The following NTM variants were observed in gnomAD, a reference collection of about 807,000 sequenced individuals.
The protein encoded by NTM is neurotrimin.
NTM carries 13 observed loss-of-function variants against 42.1 expected under a neutral mutation model. The observed-to-expected ratio is 0.31, with a 90% CI of 0.20 to 0.49. NTM has a LOEUF of 0.49. Ranked by LOEUF, NTM falls within the 20% of genes least tolerant of loss-of-function variation. The pLI is 0.99. For synonymous variants in NTM, 187 were observed against 179.2 expected (o/e 1.04, Z -0.35); for missense variants, 373 against 452.8 (o/e 0.82, Z 1.60).
chr11:131,598,755 CTTCTTTCTTTTTTTCT>C (rs2060101128), intron 1 of NTM, among the ~76,000 whole-genome samples: 1 of 31,098 alleles, frequency 3.2e-5, no homozygotes, highest in African/African-American at 9.7e-5. Context: ...TTCTTTCTTT[CTTCTTTCTTTTTTTCT>C]TTCTTTCTTT....
At chr11:132,145,584 C>A (rs961317742) in intron 2 of NTM, among the ~76,000 whole-genome samples, 3 of 152,160 alleles carry the variant, frequency 2.0e-5, no homozygotes, top group African/African-American at 7.2e-5. Flanking sequence ...GAAAGAAAAT[C>A]TATTTTTATA....
chr11:131,641,497 C>T (rs564225846), intron 1 of NTM, among the ~76,000 whole-genome samples: 1 of 152,132 alleles, frequency 6.6e-6, no homozygotes, highest in South Asian at 2.1e-4. Flanking sequence ...TCCATGGATC[C>T]CTGGTCTGGT....
chr11:131,518,997 A>T (rs933592751), intron 1 of NTM, among the ~76,000 whole-genome samples: 3 of 152,242 alleles, frequency 2.0e-5, no homozygotes, highest in African/African-American at 7.2e-5. Context: ...AGAAGTATCA[A>T]TAAACAAACT....
In NTM at chr11:131,574,413, C is replaced by A. The variant is rs1550975; in HGVS notation, c.82+203525C>A. Among the ~76,000 whole-genome samples, 270 of 152,232 alleles carry A rather than the reference C, an allele frequency of 1.8e-3. 3 individuals carry two copies. Among genetic ancestry groups the A allele is most frequent in the Admixed American group, 0.016 (248 of 15,280 alleles). Reference sequence around the variant, plus strand: ...TTGTTCATACTCTATTTTACAGAGGCATAAATTGAGACCCAGATGGTGGTG... The same window carrying A: ...TTGTTCATACTCTATTTTACAGAGGAATAAATTGAGACCCAGATGGTGGTG... On this transcript the variant is annotated intron_variant, in intron 1 of 8. Coordinates refer to ENST00000683400, the MANE Select transcript of NTM (RefSeq NM_001352005.2).
intron 1 of NTM, among the ~76,000 whole-genome samples, chr11:131,410,855 G>A (rs766478901): frequency 2.0e-5 from 3 of 152,152 alleles, no homozygotes; most frequent in African/African-American, 2.4e-5. Context: ...CATCAGCAAG[G>A]TCTACATCTT....
intron 1 of NTM, among the ~76,000 whole-genome samples, chr11:131,715,028 G>A (rs112623625): frequency 4.6e-5 from 7 of 152,334 alleles, no homozygotes; most frequent in African/African-American, 1.4e-4. Context: ...GTTTGTGCCT[G>A]AAATTGTGCT....
At chr11:131,381,984 C>T (rs1025897686) in intron 1 of NTM, among the ~76,000 whole-genome samples, 1 of 152,178 alleles carries the variant, frequency 6.6e-6, no homozygotes, top group Non-Finnish European at 1.5e-5. Context: ...TGTGAGAAAG[C>T]ACTTTGCAAT....
chr11:132,075,076 T>A (rs1184059450), intron 2 of NTM, among the ~76,000 whole-genome samples: 1 of 152,118 alleles, frequency 6.6e-6, no homozygotes, highest in Non-Finnish European at 1.5e-5. Context: ...CTGAATGAAA[T>A]AAACCAGTCA....
intron 1 of NTM, among the ~76,000 whole-genome samples, chr11:131,628,100 A>G (rs2137737743): frequency 6.6e-6 from 1 of 152,294 alleles, no homozygotes; most frequent in Admixed American, 6.5e-5. Context: ...AAATTCTTCA[A>G]GATTGCTTAG....
intron 2 of NTM, among the ~76,000 whole-genome samples, chr11:132,101,400 G>A (rs2061598322): frequency 6.6e-6 from 1 of 152,102 alleles, no homozygotes; most frequent in Non-Finnish European, 1.5e-5. Flanking sequence ...TCCTCAATAC[G>A]ATAACCAGGC....
At chr11:131,871,671 T>G (rs1389331070) in intron 1 of NTM, among the ~76,000 whole-genome samples, 1 of 152,202 alleles carries the variant, frequency 6.6e-6, no homozygotes, top group Non-Finnish European at 1.5e-5. Flanking sequence ...TCCAAGGAGA[T>G]GCATGGAGAG....
At chr11:131,733,494 C>CCTTT (rs1294728153) in intron 1 of NTM, among the ~76,000 whole-genome samples, 1 of 148,638 alleles carries the variant, frequency 6.7e-6, no homozygotes, top group Non-Finnish European at 1.5e-5. Flanking sequence ...TTCCTTCCTT[C>CCTTT]CTTCCTTCCT....
At chr11:131,605,942 TG>T in intron 1 of NTM, 1 of 924,724 alleles carries the variant, frequency 1.1e-6, no homozygotes, top group Non-Finnish European at 1.3e-6. Context: ...TATTTAAAAT[TG>T]TAAATATTCT....
intron 2 of NTM, among the ~76,000 whole-genome samples, chr11:131,971,749 A>G (rs648497): frequency 0.29 from 35,587 of 121,142 alleles, 4,820 homozygotes; most frequent in East Asian, 0.53. Flanking sequence ...TACAAAAAAA[A>G]GAAAAAAAAA....
rs1327369162 is a variant in NTM, at chr11:132,336,551, C to G, written c.*1405C>G. ...CCGTCAGTACCCACTTGCTTTAGCC[C>G]ATTATGGGAATCTCTGATGCCTTTG... On this transcript the variant is annotated 3_prime_UTR_variant, in exon 9 of 9. Transcript: ENST00000683400. The G allele has an allele frequency of 6.5e-6, 1 of 152,688 alleles. No individual in the cohort carries two copies. The highest frequency in any genetic ancestry group is 2.4e-5 in the African/African-American group (1 of 41,460). 9.5% of individuals were successfully genotyped at this position (152,688 alleles called of 1,614,324 possible).
intron 1 of NTM, chr11:131,537,163 C>G (rs985536676): frequency 2.8e-5 from 4 of 143,668 alleles, no homozygotes; most frequent in African/African-American, 1.0e-4. Context: ...CAGGGATGAG[C>G]TTCTTCATCT....
chr11:131,869,301 T>C (rs2047539527), intron 1 of NTM, among the ~76,000 whole-genome samples: 1 of 151,932 alleles, frequency 6.6e-6, no homozygotes, highest in African/African-American at 2.4e-5. Context: ...TATGACTTGT[T>C]GGAAAACCAT....
At chr11:132,041,074 T>A (rs978226567) in intron 2 of NTM, among the ~76,000 whole-genome samples, 1 of 152,238 alleles carries the variant, frequency 6.6e-6, no homozygotes, top group African/African-American at 2.4e-5. Flanking sequence ...GAGTCTTCAA[T>A]ACCCCACATT....
At chr11:131,485,929 A>T (rs1254482635) in intron 1 of NTM, among the ~76,000 whole-genome samples, 1 of 152,160 alleles carries the variant, frequency 6.6e-6, no homozygotes, top group African/African-American at 2.4e-5. Flanking sequence ...TTCACCTATG[A>T]TGAGCTATGT....
Sources: allele counts gnomAD v4.1 joint callset (sites outside exome capture counted in the v4.1 genomes callset), GRCh38; gene constraint gnomAD v4.1.1; transcripts MANE v1.5; gene names NCBI Gene and HGNC (gene_info 2026-07-23, HGNC 2026-07-21).